SCN3B: variants seen among roughly 807,000 people sequenced by gnomAD.
SCN3B encodes the protein sodium voltage-gated channel beta subunit 3.
SCN3B carries 11 observed loss-of-function variants against 25.4 expected under a neutral mutation model. The ratio of observed to expected loss-of-function variants is 0.43; its 90% CI spans 0.27 to 0.72. The LOEUF is 0.72. Ranked by LOEUF, SCN3B falls within the 30% of genes least tolerant of loss-of-function variation. The pLI is 0.18. For missense variants in SCN3B, 218 were observed against 278.3 expected, an observed-to-expected ratio of 0.78 and a Z score of 1.54; for synonymous variants, 109 against 110.7, an observed-to-expected ratio of 0.99 and a Z score of 0.09.
chr11:123,634,391 C>T lies in SCN3B; in HGVS notation c.585-185G>A, dbSNP rs1148109. 0.59 allele frequency among the ~76,000 whole-genome samples: 89,976 copies of T among 152,078 alleles called. 27,091 individuals are homozygous for T. Among genetic ancestry groups the T allele is most frequent in the African/African-American group, 0.71 (29,450 of 41,470 alleles). On this transcript the variant is annotated intron_variant, in intron 5 of 6. Transcript: ENST00000299333. Reference sequence around the variant, plus strand: ...AATAATCATTTCCCCCATATATGTACACGAACACCCACCAGGAGTGTATAG... The same window carrying T: ...AATAATCATTTCCCCCATATATGTATACGAACACCCACCAGGAGTGTATAG...
At position 123,645,713 on chromosome 11, in the gene SCN3B, C is replaced by T. The variant is rs753258598; in HGVS notation, c.93G>A (p.Ser31=). The T allele has an allele frequency of 7.2e-5, 117 of 1,613,990 alleles. No homozygotes were observed. Among genetic ancestry groups the T allele is most frequent in the African/African-American group, 1.2e-4 (9 of 74,902 alleles). ...GGTTGCCCTGCACGGCCTCCGTCTC[C>T]GAGGGCACTTCCACACACACAGGGA... ...VCFPVCVEVP[S]ETEAVQGNPM... is the part of the protein sequence containing the mutation. The change falls in exon 3 of 7, where the codon TCG becomes TCA. Residue 31 remains serine, a synonymous_variant. Coordinates refer to ENST00000299333, the MANE Select transcript of SCN3B (RefSeq NM_001040151.2).
At chr11:123,633,938 C>T (rs528393263) in intron 6 of SCN3B, 162 bp from the exon 7 acceptor site, 77 of 576,052 alleles carry the variant, frequency 1.3e-4, no homozygotes, top group Admixed American at 8.0e-4. Context: ...GTTCACCTTC[C>T]GAAGCGCTGA....
At chr11:123,635,342 C>T (rs1179380306) in intron 5 of SCN3B, among the ~76,000 whole-genome samples, 1 of 152,130 alleles carries the variant, frequency 6.6e-6, no homozygotes, top group African/African-American at 2.4e-5. Flanking sequence ...TTGTCCATTT[C>T]GTATGCCTGT....
intron 2 of SCN3B, among the ~76,000 whole-genome samples, chr11:123,650,879 A>G (rs1355284841): frequency 1.3e-5 from 2 of 152,170 alleles, no homozygotes; most frequent in Non-Finnish European, 2.9e-5. Context: ...TGTATTGAAA[A>G]TTACATTGTA....
intron 2 of SCN3B, among the ~76,000 whole-genome samples, chr11:123,649,714 T>G (rs1027570395): frequency 6.6e-6 from 1 of 151,782 alleles, no homozygotes; most frequent in Non-Finnish European, 1.5e-5. Context: ...TCTCTTTCTT[T>G]TTTTTTTAGA....
intron 5 of SCN3B, among the ~76,000 whole-genome samples, chr11:123,635,485 C>T (rs1281149484): frequency 6.6e-6 from 1 of 152,016 alleles, no homozygotes; most frequent in Non-Finnish European, 1.5e-5. Flanking sequence ...GAGATTGAGA[C>T]CATCCTGGCT....
chr11:123,651,446 C>T (rs1037172559), intron 2 of SCN3B, among the ~76,000 whole-genome samples: 5 of 152,086 alleles, frequency 3.3e-5, no homozygotes, highest in African/African-American at 4.8e-5. Flanking sequence ...TCACTGCAAC[C>T]TCCACCTCCC....
chr11:123,651,588 T>C (rs989944484), intron 2 of SCN3B, among the ~76,000 whole-genome samples: 2 of 152,178 alleles, frequency 1.3e-5, no homozygotes, highest in African/African-American at 4.8e-5. Context: ...GGTCTTGAAC[T>C]CCTGACCTCA....
intron 2 of SCN3B, among the ~76,000 whole-genome samples, chr11:123,652,752 C>T (rs939023002): frequency 3.3e-5 from 5 of 152,090 alleles, no homozygotes; most frequent in Admixed American, 3.3e-4. Flanking sequence ...GCAGACATGC[C>T]CAGAACTACC....
chr11:123,651,829 G>A (rs942921647), intron 2 of SCN3B, among the ~76,000 whole-genome samples: 2 of 152,156 alleles, frequency 1.3e-5, no homozygotes, highest in East Asian at 1.9e-4. Flanking sequence ...TTTTGGGGTC[G>A]GGGAGGGGAT....
chr11:123,649,654 C>CTT (rs1236287604), intron 2 of SCN3B, among the ~76,000 whole-genome samples: 1 of 140,328 alleles, frequency 7.1e-6, no homozygotes, highest in South Asian at 2.3e-4. Context: ...TTCTTTCTTT[C>CTT]TCTTTCTTTC....
chr11:123,637,617 C>T (rs1403225652), intron 5 of SCN3B, among the ~76,000 whole-genome samples: 1 of 152,190 alleles, frequency 6.6e-6, no homozygotes, highest in African/African-American at 2.4e-5. Context: ...CAACCTCCGC[C>T]TCCCAGGTTC....
intron 4 of SCN3B, chr11:123,641,034 G>A (rs531090568): frequency 6.6e-6 from 1 of 152,396 alleles, no homozygotes; most frequent in African/African-American, 2.4e-5. Flanking sequence ...TATGCACGAG[G>A]GTGTCTGGAG....
rs886047885 is a variant in SCN3B at position 123,629,465 on chromosome 11, G to A, written c.*4334C>T. ...GGTCAGCTGGCCTGGGATGGAGACC[G>A]AGTTTGATATATAAATCAGACTTGC... On this transcript the variant is annotated 3_prime_UTR_variant, in exon 7 of 7. Coordinates refer to ENST00000299333, the MANE Select transcript of SCN3B (RefSeq NM_001040151.2). 1 of 152,260 alleles carries A rather than the reference G, an allele frequency of 6.6e-6. No homozygotes were observed. Among genetic ancestry groups the A allele is most frequent in the Admixed American group, 6.5e-5 (1 of 15,282 alleles). The allele number at this position is 152,260 out of a possible 1,614,324, so 9.4% of individuals were successfully genotyped here. A position where few individuals can be genotyped will look rare whatever the true frequency, so the allele number is the denominator to read the frequency against.
chr11:123,642,661 T>C lies in SCN3B; in HGVS notation c.230A>G (p.Tyr77Cys), dbSNP rs1339766648. The C allele has an allele frequency of 1.9e-6, 3 of 1,613,596 alleles. No homozygotes were observed. The highest frequency in any genetic ancestry group is 2.5e-6 in the Non-Finnish European group (3 of 1,179,812). The change falls in exon 4 of 7, where the codon TAT (tyrosine) becomes TGT (cysteine). Residue 77 changes from tyrosine (Y) to cysteine (C), a missense_variant. Physicochemically the swap from Tyr to Cys is radical, Grantham distance 194. Coordinates refer to ENST00000299333, the MANE Select transcript of SCN3B (RefSeq NM_001040151.2). This position sits in a 1 kb window ranked among gnomAD's most constrained non-coding sequence, Gnocchi z 4.3. ...CTCCACCTCCTGGTGGCCATTCCGA[T>C]ACTCGTAAATCTGCAGATAGAGGAG... ...EGGKDFLIYE[Y>C]RNGHQEVESP...
chr11:123,632,789 A>C lies in SCN3B; in HGVS notation c.*1010T>G, dbSNP rs1179606573. 6.6e-6 allele frequency: 1 copy of C among 152,318 alleles called. No homozygotes were observed. Among genetic ancestry groups the C allele is most frequent in the Non-Finnish European group, 1.5e-5 (1 of 68,182 alleles). 9.4% of individuals were successfully genotyped at this position (152,318 alleles called of 1,614,324 possible). On this transcript the variant is annotated 3_prime_UTR_variant, in exon 7 of 7. Transcript: ENST00000299333. The stretch of plus-strand genomic sequence containing the variant: ...GGTGACAGAGTGAGACTCCATCTCA[A>C]ACAAAAAAAACAAAAAACAAAACAA...
chr11:123,636,525 A>G (rs1955726731), intron 5 of SCN3B, among the ~76,000 whole-genome samples: 1 of 152,158 alleles, frequency 6.6e-6, no homozygotes. Flanking sequence ...TATTTGCTGT[A>G]GGGTCTCTTA....
intron 5 of SCN3B, among the ~76,000 whole-genome samples, chr11:123,637,470 C>T (rs552685247): frequency 4.4e-4 from 67 of 152,192 alleles, no homozygotes; most frequent in African/African-American, 1.2e-3. Flanking sequence ...TGCTATGAGT[C>T]GGCTTGGCAT....
intron 3 of SCN3B, among the ~76,000 whole-genome samples, chr11:123,643,971 G>C (rs80344752): frequency 0.056 from 8,597 of 152,308 alleles, 333 homozygotes; most frequent in Non-Finnish European, 0.085. Flanking sequence ...GTTAGAAATG[G>C]GTTCGGCTTT....
Sources: allele counts gnomAD v4.1 joint callset (sites outside exome capture counted in the v4.1 genomes callset), GRCh38; gene constraint gnomAD v4.1.1; non-coding constraint Gnocchi (gnomAD v3.1); transcripts MANE v1.5; gene names NCBI Gene and HGNC (gene_info 2026-07-23, HGNC 2026-07-21).